Variants in SNTG1 observed in about 807,000 individuals in gnomAD.
SNTG1 encodes syntrophin gamma 1, also known as gamma-1-syntrophin.
Under a neutral mutation model 74.7 loss-of-function variants are expected in SNTG1, and 39 were observed. That is an observed-to-expected ratio of 0.52 (90% CI 0.40 to 0.68). SNTG1 has a LOEUF of 0.68. SNTG1 is among the 30% of genes least tolerant of loss of function. The probability of loss-of-function intolerance (pLI) is 0.00; values close to 1 mark genes in which losing one functional copy is unlikely to be tolerated. For missense variants in SNTG1, 685 were observed against 609.5 expected, an observed-to-expected ratio of 1.12 and a Z score of -1.30; for synonymous variants, 254 against 217.1, an observed-to-expected ratio of 1.17 and a Z score of -1.49.
chr8:49,965,943 G>A (rs1300145974), intron 1 of SNTG1, among the ~76,000 whole-genome samples: 2 of 151,996 alleles, frequency 1.3e-5, no homozygotes, highest in African/African-American at 4.8e-5. Context: ...AGTTCCTGCT[G>A]TTTCAGTGTT....
chr8:50,299,886 CTT>C (rs1183860009), intron 2 of SNTG1, among the ~76,000 whole-genome samples: 1 of 152,062 alleles, frequency 6.6e-6, no homozygotes, highest in East Asian at 1.9e-4. Flanking sequence ...ATTTACTAAA[CTT>C]TGGTGATATT....
At chr8:50,791,751 T>C (rs2095691217) in intron 18 of SNTG1, among the ~76,000 whole-genome samples, 1 of 151,760 alleles carries the variant, frequency 6.6e-6, no homozygotes. Context: ...CTAGTTACCC[T>C]CCTTGTGATA....
At chr8:50,241,419 T>C (rs1204750506) in intron 2 of SNTG1, among the ~76,000 whole-genome samples, 1 of 152,168 alleles carries the variant, frequency 6.6e-6, no homozygotes, top group Non-Finnish European at 1.5e-5. Context: ...AGAAAAACAA[T>C]ATTTTTTAAT....
rs568308840 is a variant in SNTG1 at position 50,217,251 on chromosome 8, A to T, written c.-28+44616A>T. 2.6e-5 allele frequency among the ~76,000 whole-genome samples: 4 copies of T among 152,192 alleles called. No homozygotes were observed. The South Asian group carries it at 8.3e-4, about 32-fold the overall frequency. ...CACCATAATTTGTTTCATATTGATGATGTAAAATCTCATGTAGGAAAAGTG... is the reference window on the plus strand; with the variant it reads ...CACCATAATTTGTTTCATATTGATGTTGTAAAATCTCATGTAGGAAAAGTG... On this transcript the variant is annotated intron_variant, in intron 2 of 18. Coordinates refer to ENST00000642720, the MANE Select transcript of SNTG1 (RefSeq NM_018967.5).
At chr8:50,728,744 A>T (rs1185621057) in intron 17 of SNTG1, among the ~76,000 whole-genome samples, 1 of 152,142 alleles carries the variant, frequency 6.6e-6, no homozygotes, top group African/African-American at 2.4e-5. Context: ...TCTCTGAAGT[A>T]TTAGGAGTGC....
At chr8:50,356,444 T>C (rs1005393501) in intron 2 of SNTG1, among the ~76,000 whole-genome samples, 15 of 152,230 alleles carry the variant, frequency 9.9e-5, no homozygotes, top group African/African-American at 3.6e-4. Context: ...GCAAATGCTC[T>C]ATACTCTTTG....
At position 50,002,666 on chromosome 8, in the gene SNTG1, C is replaced by A. The variant is rs143553064; in HGVS notation, c.-103+90435C>A. Among the ~76,000 whole-genome samples the A allele has an allele frequency of 1.2e-4, 19 of 152,172 alleles. No homozygotes were observed. The East Asian group carries it at 3.7e-3, about 29-fold the overall frequency. On this transcript the variant is annotated intron_variant, in intron 1 of 18. Transcript: ENST00000642720. The stretch of plus-strand genomic sequence containing the variant: ...TAAGAGATTACACATAACACCTCCT[C>A]CAAATCAGGTTGATATGAATGTTGC...
At chr8:50,221,560 AGAT>A (rs1329322721) in intron 2 of SNTG1, among the ~76,000 whole-genome samples, 1 of 151,408 alleles carries the variant, frequency 6.6e-6, no homozygotes, top group Non-Finnish European at 1.5e-5. Context: ...CAAGACTGAC[AGAT>A]AATAAAACCA....
chr8:50,449,794 T>C, intron 6 of SNTG1, 69 bp downstream of exon 6: 2 of 1,308,338 alleles, frequency 1.5e-6, no homozygotes, highest in South Asian at 3.5e-5. Flanking sequence ...TGAGATGATA[T>C]TCAAGAATCC....
intron 2 of SNTG1, among the ~76,000 whole-genome samples, chr8:50,370,221 C>A (rs1041175078): frequency 6.6e-6 from 1 of 152,122 alleles, no homozygotes; most frequent in Non-Finnish European, 1.5e-5. Flanking sequence ...AGATTCTGGG[C>A]GTGCTATGAA....
rs538511561 is a variant in SNTG1, at chr8:50,443,673, TA to T, written c.219+5076del. The stretch of plus-strand genomic sequence containing the variant: ...AGGTTAAGTAATTCATCAATTGTTA[TA>T]AGCAGTAGAGTTGGACCTCAGTCCC... On this transcript the variant is annotated intron_variant, in intron 5 of 18. Transcript: ENST00000642720. Among the ~76,000 whole-genome samples, 80 of 152,312 alleles carry T rather than the reference TA, an allele frequency of 5.3e-4. 1 individual carries two copies. The South Asian group carries it at 7.2e-3, about 14-fold the overall frequency.
intron 2 of SNTG1, among the ~76,000 whole-genome samples, chr8:50,360,025 G>T (rs1360142742): frequency 6.6e-6 from 1 of 152,064 alleles, no homozygotes; most frequent in East Asian, 1.9e-4. Context: ...TTCTGTAGAA[G>T]AGTGAGGATA....
chr8:50,528,564 A>G (rs1255682518), intron 9 of SNTG1, among the ~76,000 whole-genome samples: 1 of 151,734 alleles, frequency 6.6e-6, no homozygotes, highest in African/African-American at 2.4e-5. Context: ...TTGCTAATAT[A>G]TTGTTTACAT....
At chr8:50,601,324 C>A (rs1453645622) in intron 13 of SNTG1, among the ~76,000 whole-genome samples, 1 of 151,856 alleles carries the variant, frequency 6.6e-6, no homozygotes, top group African/African-American at 2.4e-5. Context: ...TGTTGTGTTT[C>A]CATTACCATT....
At position 50,696,858 on chromosome 8, in the gene SNTG1, T is replaced by A. The variant is rs183895941; in HGVS notation, c.1039-7742T>A. Among the ~76,000 whole-genome samples the A allele has an allele frequency of 1.7e-4, 26 of 152,178 alleles. No homozygotes were observed. The East Asian group carries it at 5.0e-3, about 29-fold the overall frequency. ...TTTGCTTACTATAGACATCTAGTAT[T>A]ATTTGAAGTCAGGTAATGTGATGCC... On this transcript the variant is annotated intron_variant, in intron 15 of 18. Transcript: ENST00000642720.
intron 1 of SNTG1, among the ~76,000 whole-genome samples, chr8:49,952,769 G>A (rs1809835359): frequency 6.6e-6 from 1 of 152,200 alleles, no homozygotes; most frequent in Non-Finnish European, 1.5e-5. Flanking sequence ...TGTGTTACCA[G>A]AGTTAAATAT....
At chr8:50,003,561 G>A (rs12681482) in intron 1 of SNTG1, among the ~76,000 whole-genome samples, 97,906 of 152,012 alleles carry the variant, frequency 0.64, 35,561 homozygotes, top group East Asian at 0.83. Context: ...TGTAATTATG[G>A]AATTTTTTGT....
At chr8:50,381,322 T>C (rs926259656) in intron 2 of SNTG1, among the ~76,000 whole-genome samples, 5 of 151,926 alleles carry the variant, frequency 3.3e-5, no homozygotes, top group Non-Finnish European at 5.9e-5. Flanking sequence ...AACTATGTAA[T>C]TGTTCCTGCA....
At chr8:50,503,624 A>AT (rs1409898396) in intron 9 of SNTG1, among the ~76,000 whole-genome samples, 1 of 152,110 alleles carries the variant, frequency 6.6e-6, no homozygotes, top group Non-Finnish European at 1.5e-5. Flanking sequence ...ATTATACTTA[A>AT]TTTTTTATTC....
Sources: allele counts gnomAD v4.1 joint callset (sites outside exome capture counted in the v4.1 genomes callset), GRCh38; gene constraint gnomAD v4.1.1; transcripts MANE v1.5; gene names NCBI Gene and HGNC (gene_info 2026-07-23, HGNC 2026-07-21).